The following SLC24A2 variants were observed in gnomAD, a reference collection of about 807,000 sequenced individuals.
SLC24A2 encodes sodium/potassium/calcium exchanger 2.
In SLC24A2, 36 loss-of-function variants were observed where a neutral mutation model predicts 62.0. That is an observed-to-expected ratio of 0.58 (90% CI 0.44 to 0.77). The LOEUF is 0.77. Ranked by LOEUF, SLC24A2 falls within the 30% of genes least tolerant of loss-of-function variation. The pLI is 0.00. For synonymous variants in SLC24A2, 358 were observed against 294.0 expected (o/e 1.22, Z -2.23); for missense variants, 846 against 817.9 (o/e 1.03, Z -0.42).
chr9:19,787,228 T>C (rs1040269469), intron 1 of SLC24A2, among the ~76,000 whole-genome samples: 1 of 152,188 alleles, frequency 6.6e-6, no homozygotes, highest in African/African-American at 2.4e-5. Flanking sequence ...TAAAAACATA[T>C]GTAGCACTTA....
chr9:19,648,109 T>C (rs1184986633), intron 2 of SLC24A2, among the ~76,000 whole-genome samples: 1 of 152,158 alleles, frequency 6.6e-6, no homozygotes, highest in Non-Finnish European at 1.5e-5. Context: ...TAAACTATAG[T>C]AGGCAGTGGG....
At chr9:19,559,610 C>G (rs977392458) in intron 7 of SLC24A2, among the ~76,000 whole-genome samples, 3 of 152,168 alleles carry the variant, frequency 2.0e-5, no homozygotes, top group Non-Finnish European at 2.9e-5. Flanking sequence ...CATAGTCACA[C>G]TTTGAAACAG....
chr9:20,164,125 G>A, the SLC24A2 span, among the ~76,000 whole-genome samples: 2 of 152,108 alleles, frequency 1.3e-5, no homozygotes, highest in African/African-American at 2.4e-5. Flanking sequence ...AGCCAAAATG[G>A]ACAAATGGGA....
At chr9:19,756,665 T>A (rs1246910931) in intron 2 of SLC24A2, among the ~76,000 whole-genome samples, 1 of 152,284 alleles carries the variant, frequency 6.6e-6, no homozygotes, top group East Asian at 1.9e-4. Flanking sequence ...CTACTGATTA[T>A]CCTAAAGTTC....
At chr9:19,883,785 T>C in the SLC24A2 span, among the ~76,000 whole-genome samples, 2 of 152,158 alleles carry the variant, frequency 1.3e-5, no homozygotes, top group African/African-American at 2.4e-5. Flanking sequence ...CAGGATGGTC[T>C]TGATCTCCTG....
At chr9:19,560,453 G>A (rs1352765992) in intron 7 of SLC24A2, among the ~76,000 whole-genome samples, 1 of 152,148 alleles carries the variant, frequency 6.6e-6, no homozygotes, top group Non-Finnish European at 1.5e-5. Flanking sequence ...GAAGGCTTGT[G>A]CTCTCTCTCT....
chr9:20,201,520 G>A, the SLC24A2 span, among the ~76,000 whole-genome samples: 1 of 152,210 alleles, frequency 6.6e-6, no homozygotes, highest in Non-Finnish European at 1.5e-5. Context: ...GAAAGAAAGT[G>A]AGAGATTGAG....
At chr9:19,640,318 T>C (rs1173791484) in intron 2 of SLC24A2, among the ~76,000 whole-genome samples, 1 of 152,268 alleles carries the variant, frequency 6.6e-6, no homozygotes, top group Non-Finnish European at 1.5e-5. Flanking sequence ...ATAAGTTGAA[T>C]CTTTATCTTT....
chr9:19,753,670 G>A (rs1200225860), intron 2 of SLC24A2, among the ~76,000 whole-genome samples: 1 of 152,004 alleles, frequency 6.6e-6, no homozygotes, highest in Non-Finnish European at 1.5e-5. Context: ...TTTCCACCAA[G>A]CACACTGTTG....
the SLC24A2 span, among the ~76,000 whole-genome samples, chr9:19,892,609 A>C: frequency 6.6e-6 from 1 of 152,210 alleles, no homozygotes; most frequent in Admixed American, 6.5e-5. Flanking sequence ...TAAGGACTAG[A>C]GAAATCCACC....
At chr9:19,752,833 GA>G (rs1564080743) in intron 2 of SLC24A2, among the ~76,000 whole-genome samples, 1 of 152,176 alleles carries the variant, frequency 6.6e-6, no homozygotes, top group Non-Finnish European at 1.5e-5. Flanking sequence ...GAAATTGAGT[GA>G]CTTCCCCAAA....
chr9:20,241,484 C>G, the SLC24A2 span, among the ~76,000 whole-genome samples: 1 of 152,108 alleles, frequency 6.6e-6, no homozygotes, highest in Non-Finnish European at 1.5e-5. Flanking sequence ...ATGCCTAGAC[C>G]TCTCAGCATA....
At chr9:20,118,874 A>G in the SLC24A2 span, among the ~76,000 whole-genome samples, 2 of 152,060 alleles carry the variant, frequency 1.3e-5, no homozygotes, top group African/African-American at 4.8e-5. Flanking sequence ...GGGTACTGTG[A>G]CTTGCTTCTA....
chr9:20,253,190 T>G, the SLC24A2 span, among the ~76,000 whole-genome samples: 1 of 152,224 alleles, frequency 6.6e-6, no homozygotes, highest in Non-Finnish European at 1.5e-5. Context: ...AATATTATGA[T>G]GCAGTAGAAA....
At chr9:19,661,749 C>T (rs927240409) in intron 2 of SLC24A2, among the ~76,000 whole-genome samples, 4 of 152,190 alleles carry the variant, frequency 2.6e-5, no homozygotes, top group African/African-American at 9.6e-5. Context: ...AAAAAACCAT[C>T]AAAAATGACA....
chr9:19,525,391 C>CTTTTTTT lies in SLC24A2; in HGVS notation c.1569+2651_1569+2657dup, dbSNP rs572919824. Among the ~76,000 whole-genome samples the CTTTTTTT allele has an allele frequency of 1.9e-3, 148 of 76,362 alleles. 17 individuals are homozygous for CTTTTTTT. The highest frequency in any genetic ancestry group is 3.8e-3 in the African/African-American group (67 of 17,608). The allele number at this position is 76,362 out of a possible 152,430, so 50.1% of individuals were successfully genotyped here. On this transcript the variant is annotated intron_variant, in intron 9 of 10. Transcript: ENST00000341998. Reference sequence around the variant, plus strand: ...AAGGTTTTTTTTTCCTATTTCTTTACTTTTTTTTTTTTTTTTTTTTTTTTT... The same window carrying CTTTTTTT: ...AAGGTTTTTTTTTCCTATTTCTTTACTTTTTTTTTTTTTTTTTTTTTTTTTTTTTTTT...
At chr9:19,581,010 G>A (rs934947030) in intron 5 of SLC24A2, among the ~76,000 whole-genome samples, 4 of 152,166 alleles carry the variant, frequency 2.6e-5, no homozygotes, top group African/African-American at 9.7e-5. Context: ...GTGTGGCATT[G>A]AAAGAACTCT....
At chr9:20,026,690 A>T in the SLC24A2 span, among the ~76,000 whole-genome samples, 1 of 152,194 alleles carries the variant, frequency 6.6e-6, no homozygotes, top group Non-Finnish European at 1.5e-5. Context: ...TGAATGAAAG[A>T]CTTAAATGTA....
intron 2 of SLC24A2, among the ~76,000 whole-genome samples, chr9:19,767,628 G>A (rs2118879432): frequency 6.6e-6 from 1 of 152,296 alleles, no homozygotes; most frequent in East Asian, 1.9e-4. Flanking sequence ...TCTGTGGGCT[G>A]CATGCACTGT....
Sources: allele counts gnomAD v4.1 joint callset (sites outside exome capture counted in the v4.1 genomes callset), GRCh38; gene constraint gnomAD v4.1.1; transcripts MANE v1.5; gene names NCBI Gene and HGNC (gene_info 2026-07-23, HGNC 2026-07-21).